Variants in GTF2E2 observed in about 807,000 individuals in gnomAD.
GTF2E2 encodes general transcription factor IIE subunit 2.
Under a neutral mutation model 40.5 loss-of-function variants are expected in GTF2E2, and 21 were observed. That is an observed-to-expected ratio of 0.52 (90% CI 0.37 to 0.75). The LOEUF is 0.75. GTF2E2 is among the 30% of genes least tolerant of loss of function. The probability of loss-of-function intolerance (pLI) is 0.00; values close to 1 mark genes in which losing one functional copy is unlikely to be tolerated. For missense variants in GTF2E2, 298 were observed against 338.4 expected, an observed-to-expected ratio of 0.88 and a Z score of 0.94; for synonymous variants, 117 against 121.6, an observed-to-expected ratio of 0.96 and a Z score of 0.25.
At chr8:30,629,949 G>C (rs1194813280) in intron 3 of GTF2E2, among the ~76,000 whole-genome samples, 1 of 152,028 alleles carries the variant, frequency 6.6e-6, no homozygotes, top group Non-Finnish European at 1.5e-5. Flanking sequence ...CAAAAATAAA[G>C]TACACACTTA....
chr8:30,580,267 T>C lies in GTF2E2; in HGVS notation c.759+14A>G. On this transcript the variant is annotated intron_variant, in intron 7 of 7. Coordinates refer to ENST00000355904, the MANE Select transcript of GTF2E2 (RefSeq NM_002095.6). Reference sequence around the variant, plus strand: ...AGGGCAGGGGATTAAGCTGCTTTGCTAGAGATTACGCACCACTTTCTTTGG... The same window carrying C: ...AGGGCAGGGGATTAAGCTGCTTTGCCAGAGATTACGCACCACTTTCTTTGG... 1 of 1,398,752 alleles carries C rather than the reference T, an allele frequency of 7.1e-7. No homozygotes were observed. The highest frequency in any genetic ancestry group is 1.0e-6 in the Non-Finnish European group (1 of 983,316). The allele number at this position is 1,398,752 out of a possible 1,614,324, so 86.6% of individuals were successfully genotyped here.
intron 6 of GTF2E2, among the ~76,000 whole-genome samples, chr8:30,599,472 G>A (rs1829109223): frequency 6.6e-6 from 1 of 151,848 alleles, no homozygotes; most frequent in Admixed American, 6.6e-5. Context: ...CCAGCTACTC[G>A]GGAGTCTGAG....
intron 6 of GTF2E2, among the ~76,000 whole-genome samples, chr8:30,601,235 G>A (rs902653594): frequency 2.6e-5 from 4 of 152,080 alleles, no homozygotes; most frequent in Admixed American, 6.6e-5. Context: ...CATTCTACCC[G>A]CTCAGCCTGG....
At chr8:30,613,313 A>T (rs1278829831) in intron 4 of GTF2E2, among the ~76,000 whole-genome samples, 2 of 152,230 alleles carry the variant, frequency 1.3e-5, no homozygotes, top group African/African-American at 4.8e-5. Flanking sequence ...ACTAGTGCAT[A>T]CAAGAACTTT....
At position 30,578,648 on chromosome 8, in the gene GTF2E2, G is replaced by A; in HGVS notation, c.*273C>T. 1 of 283,472 alleles carries A rather than the reference G, an allele frequency of 3.5e-6. No individual in the cohort carries two copies. The highest frequency in any genetic ancestry group is 6.7e-6 in the Non-Finnish European group (1 of 150,346). The allele number at this position is 283,472 out of a possible 1,614,324, so 17.6% of individuals were successfully genotyped here. ...GAAAGGAACCAGGAACCATTTAGAA[G>A]TGGAGAAAAACACAGCAAAGACACC... On this transcript the variant is annotated 3_prime_UTR_variant, in exon 8 of 8. Coordinates refer to ENST00000355904, the MANE Select transcript of GTF2E2 (RefSeq NM_002095.6).
At chr8:30,591,682 T>C (rs1828856224) in intron 6 of GTF2E2, among the ~76,000 whole-genome samples, 1 of 152,148 alleles carries the variant, frequency 6.6e-6, no homozygotes, top group African/African-American at 2.4e-5. Flanking sequence ...GGTGAGAATG[T>C]AAATTAATGT....
At chr8:30,657,555 G>A (rs1413020993) in intron 1 of GTF2E2, 2 of 152,180 alleles carry the variant, frequency 1.3e-5, no homozygotes, top group Admixed American at 6.5e-5. Context: ...TATCGTTAAA[G>A]TTTAGGGATC....
At chr8:30,595,601 G>T (rs1828976860) in intron 6 of GTF2E2, among the ~76,000 whole-genome samples, 2 of 152,182 alleles carry the variant, frequency 1.3e-5, no homozygotes, top group African/African-American at 4.8e-5. Flanking sequence ...AGGCTGAGAA[G>T]GGCAGACTGC....
At chr8:30,590,713 CAG>C (rs2151111869) in intron 6 of GTF2E2, among the ~76,000 whole-genome samples, 1 of 149,362 alleles carries the variant, frequency 6.7e-6, no homozygotes, top group Non-Finnish European at 1.5e-5. Context: ...TTTTTTGAGA[CAG>C]AGTTGCACTC....
intron 2 of GTF2E2, among the ~76,000 whole-genome samples, chr8:30,648,931 C>A (rs1802187688): frequency 6.6e-6 from 1 of 152,220 alleles, no homozygotes; most frequent in African/African-American, 2.4e-5. Context: ...TACAAGGGCT[C>A]TTCCTGCTGT....
chr8:30,582,911 ACC>A (rs1828554568), intron 6 of GTF2E2, among the ~76,000 whole-genome samples: 1 of 152,222 alleles, frequency 6.6e-6, no homozygotes, highest in African/African-American at 2.4e-5. Context: ...CTATATAAAT[ACC>A]GTTTCTCATA....
chr8:30,624,873 T>G (rs1801220078), intron 3 of GTF2E2, among the ~76,000 whole-genome samples: 1 of 152,062 alleles, frequency 6.6e-6, no homozygotes, highest in South Asian at 2.1e-4. Flanking sequence ...CCTGAGACTT[T>G]GCTGAAGTTG....
chr8:30,651,607 A>C (rs1802279780), intron 2 of GTF2E2, among the ~76,000 whole-genome samples: 1 of 152,164 alleles, frequency 6.6e-6, no homozygotes, highest in Non-Finnish European at 1.5e-5. Context: ...ATTTGTAAAA[A>C]GCCATCTATT....
intron 6 of GTF2E2, among the ~76,000 whole-genome samples, chr8:30,582,406 T>C (rs1828540583): frequency 6.6e-6 from 1 of 152,142 alleles, no homozygotes. Flanking sequence ...GTACACAGAG[T>C]TCCTATATGC....
At chr8:30,591,639 G>A (rs1828855145) in intron 6 of GTF2E2, among the ~76,000 whole-genome samples, 1 of 152,180 alleles carries the variant, frequency 6.6e-6, no homozygotes, top group African/African-American at 2.4e-5. Flanking sequence ...TGTTGGCAAG[G>A]GTGTGGGGAA....
intron 2 of GTF2E2, among the ~76,000 whole-genome samples, chr8:30,640,609 C>G (rs1386674290): frequency 1.3e-5 from 2 of 152,186 alleles, no homozygotes; most frequent in African/African-American, 4.8e-5. Flanking sequence ...TTTTCTCTTG[C>G]TTTTCATAAA....
intron 1 of GTF2E2, among the ~76,000 whole-genome samples, chr8:30,656,568 G>A (rs1802454702): frequency 2.0e-5 from 3 of 152,170 alleles, no homozygotes; most frequent in Admixed American, 2.0e-4. Context: ...CAGCACTTTG[G>A]GAGGCCGAGG....
chr8:30,641,387 G>A (rs958715778), intron 2 of GTF2E2, among the ~76,000 whole-genome samples: 11 of 152,118 alleles, frequency 7.2e-5, no homozygotes, highest in Admixed American at 5.9e-4. Flanking sequence ...TTTTGAGACA[G>A]GGTCTCACTC....
chr8:30,584,386 A>G (rs1422197956), intron 6 of GTF2E2: 2 of 152,202 alleles, frequency 1.3e-5, no homozygotes, highest in Non-Finnish European at 2.9e-5. Flanking sequence ...AAAAATAGCA[A>G]TCTCTTTTTT....
Sources: allele counts gnomAD v4.1 joint callset (sites outside exome capture counted in the v4.1 genomes callset), GRCh38; gene constraint gnomAD v4.1.1; transcripts MANE v1.5; gene names NCBI Gene and HGNC (gene_info 2026-07-23, HGNC 2026-07-21).